LRRC53: variants seen among roughly 807,000 people sequenced by gnomAD.
LRRC53 encodes the protein leucine-rich repeat-containing protein 53.
Under a neutral mutation model 13.6 loss-of-function variants are expected in LRRC53, and 25 were observed. That is an observed-to-expected ratio of 1.83 (90% CI 1.34 to 2.56). The LOEUF is 2.56. Ranked by LOEUF, LRRC53 falls within the 30% of genes most tolerant of loss-of-function variation. The pLI, the probability that LRRC53 is intolerant of heterozygous loss-of-function variation, is 0.00. For synonymous variants in LRRC53, 204 were observed against 109.8 expected (o/e 1.86, Z -5.37); for missense variants, 527 against 275.8 (o/e 1.91, Z -6.45).
upstream of LRRC53, among the ~76,000 whole-genome samples, chr1:74,516,029 G>A (rs79195448): frequency 2.7e-3 from 406 of 152,278 alleles, 3 homozygotes; most frequent in African/African-American, 9.5e-3. Flanking sequence ...CCTCACTAGA[G>A]GGGAAGGAAA....
At chr1:74,478,529 G>A (rs1668320106) in intron 3 of LRRC53, among the ~76,000 whole-genome samples, 2 of 152,074 alleles carry the variant, frequency 1.3e-5, no homozygotes, top group African/African-American at 4.8e-5. Context: ...CCAAAACGAT[G>A]TCCTCTAGAA....
rs76061180 is a variant in LRRC53, at chr1:74,477,621, G to A, written c.905-1811C>T. Reference sequence around the variant, plus strand: ...GAGAGTAAACATAATTTGATTATAGGATACAGTTTCTCCTCTAATTGTGTC... The same window carrying A: ...GAGAGTAAACATAATTTGATTATAGAATACAGTTTCTCCTCTAATTGTGTC... On this transcript the variant is annotated intron_variant, in intron 3 of 4. Transcript: ENST00000294635. 9.1e-3 allele frequency among the ~76,000 whole-genome samples: 1,383 copies of A among 152,258 alleles called. 23 individuals carry two copies. Among genetic ancestry groups the A allele is most frequent in the African/African-American group, 0.032 (1,339 of 41,558 alleles).
At chr1:74,489,195 C>T in intron 1 of LRRC53, 2 of 1,610,648 alleles carry the variant, frequency 1.2e-6, no homozygotes, top group Non-Finnish European at 1.7e-6. Context: ...ACAGGGAAGA[C>T]CCGAATTTTC....
upstream of LRRC53, among the ~76,000 whole-genome samples, chr1:74,516,505 A>G (rs1646350142): frequency 6.6e-6 from 1 of 152,190 alleles, no homozygotes; most frequent in African/African-American, 2.4e-5. Context: ...AAAAACTGTG[A>G]GAAAGAAGTT....
intron 1 of LRRC53, among the ~76,000 whole-genome samples, chr1:74,488,677 T>A (rs1668889168): frequency 6.6e-6 from 1 of 152,204 alleles, no homozygotes; most frequent in Admixed American, 6.5e-5. Context: ...TTAATGGCAC[T>A]GTCTGAAGGT....
intron 1 of LRRC53, among the ~76,000 whole-genome samples, chr1:74,505,539 A>T (rs1322459998): frequency 6.6e-6 from 1 of 151,998 alleles, no homozygotes; most frequent in African/African-American, 2.4e-5. Context: ...AACAGGTTTA[A>T]TTCCTCATGG....
chr1:74,519,775 T>C, the LRRC53 span, among the ~76,000 whole-genome samples: 1 of 152,156 alleles, frequency 6.6e-6, no homozygotes, highest in African/African-American at 2.4e-5. Context: ...TGAAGATATG[T>C]TATAGTCAAG....
At chr1:74,506,170 G>A (rs1020608058) in intron 1 of LRRC53, among the ~76,000 whole-genome samples, 27 of 152,092 alleles carry the variant, frequency 1.8e-4, no homozygotes, top group African/African-American at 6.0e-4. Context: ...GAGAAGACAC[G>A]TTACATGTTT....
chr1:74,505,469 A>C (rs1321563955), intron 1 of LRRC53, among the ~76,000 whole-genome samples: 1 of 152,210 alleles, frequency 6.6e-6, no homozygotes, highest in African/African-American at 2.4e-5. Flanking sequence ...ATTCAGATAC[A>C]AGAGCAATGA....
chr1:74,492,864 C>G (rs1037340054), intron 1 of LRRC53, among the ~76,000 whole-genome samples: 1 of 152,164 alleles, frequency 6.6e-6, no homozygotes, highest in Non-Finnish European at 1.5e-5. Flanking sequence ...TTTCCGCAGT[C>G]TGAAAGCTGG....
intron 1 of LRRC53, among the ~76,000 whole-genome samples, chr1:74,488,418 T>G (rs1668876889): frequency 6.6e-6 from 1 of 152,180 alleles, no homozygotes; most frequent in African/African-American, 2.4e-5. Context: ...ACCTGAATGT[T>G]AAATTGGGCT....
chr1:74,502,183 T>G (rs1669667668), intron 1 of LRRC53, among the ~76,000 whole-genome samples: 1 of 152,168 alleles, frequency 6.6e-6, no homozygotes, highest in African/African-American at 2.4e-5. Flanking sequence ...GAAAATCGTT[T>G]TCTTTTATAT....
the LRRC53 span, among the ~76,000 whole-genome samples, chr1:74,530,811 T>C: frequency 1.3e-5 from 2 of 151,934 alleles, no homozygotes; most frequent in South Asian, 4.1e-4. Flanking sequence ...GTTTTAGCAG[T>C]CAAGGCATGC....
At chr1:74,502,739 A>T (rs965320143) in intron 1 of LRRC53, among the ~76,000 whole-genome samples, 1 of 152,158 alleles carries the variant, frequency 6.6e-6, no homozygotes, top group Non-Finnish European at 1.5e-5. Context: ...ACTTTGCCTC[A>T]GCTTATGCCT....
In LRRC53 at chr1:74,470,518, G is replaced by A; in HGVS notation, c.3104C>T (p.Pro1035Leu). ...AACAGGAGAAGTACTGATATCCTTG[G>A]GAAGTTCTATTCTATTTTGGTATGG... ...SIPYQNRIEL[P>L]KDISTSPVSS... Residue 1035 changes from proline to leucine, a missense_variant, in exon 5 of 5, where the codon CCC becomes CTC. Coordinates refer to ENST00000294635, the MANE Select transcript of LRRC53 (RefSeq NM_001382280.1). 2.5e-6 allele frequency: 1 copy of A among 400,620 alleles called. No homozygotes were observed. The highest frequency in any genetic ancestry group is 4.4e-6 in the Non-Finnish European group (1 of 226,160). The allele number at this position is 400,620 out of a possible 1,614,324, so 24.8% of individuals were successfully genotyped here. A position where few individuals can be genotyped will look rare whatever the true frequency, so the allele number is the denominator to read the frequency against.
intron 1 of LRRC53, among the ~76,000 whole-genome samples, chr1:74,488,100 G>C (rs1349187772): frequency 6.6e-6 from 1 of 152,218 alleles, no homozygotes. Context: ...AGTAGTGTTA[G>C]AGAGTATGAA....
rs1670141650 is a variant in LRRC53, at chr1:74,510,674, T to A, written c.-27+1852A>T. Among the ~76,000 whole-genome samples, 3 of 152,344 alleles carry A rather than the reference T, an allele frequency of 2.0e-5. No individual in the cohort carries two copies. The South Asian group carries it at 6.2e-4, about 32-fold the overall frequency. On this transcript the variant is annotated intron_variant, in intron 1 of 4. Coordinates refer to ENST00000294635, the MANE Select transcript of LRRC53 (RefSeq NM_001382280.1). ...TTTGTTAAATAAACTTCCGTTTCTCTTTGGGAAAGACATATATAGGATCTT... is the reference window on the plus strand; with the variant it reads ...TTTGTTAAATAAACTTCCGTTTCTCATTGGGAAAGACATATATAGGATCTT...
rs893306915 is a variant in LRRC53 at position 74,470,328 on chromosome 1, A to T, written c.3294T>A (p.Thr1098=). The change falls in exon 5 of 5, where the codon ACT becomes ACA. Residue 1098 remains threonine, a synonymous_variant. Coordinates refer to ENST00000294635, the MANE Select transcript of LRRC53 (RefSeq NM_001382280.1). ...DESKTDSSML[T]QISQMTLKGI... is the part of the protein sequence containing the mutation. ...CTTTTAAGGTCATTTGTGAGATCTG[A>T]GTTAACATACTAGAATCTGTCTTGC... 1 of 400,558 alleles carries T rather than the reference A, an allele frequency of 2.5e-6. No individual in the cohort carries two copies. The highest frequency in any genetic ancestry group is 2.1e-5 in the African/African-American group (1 of 48,702). 24.8% of individuals were successfully genotyped at this position (400,558 alleles called of 1,614,324 possible). A position where few individuals can be genotyped will look rare whatever the true frequency, so the allele number is the denominator to read the frequency against.
At chr1:74,480,062 A>G in intron 3 of LRRC53, 91 bp downstream of exon 3, 1 of 623,024 alleles carries the variant, frequency 1.6e-6, no homozygotes, top group Non-Finnish European at 2.9e-6. Context: ...AGCCCTGGCA[A>G]CCAAGTGTCT....
Sources: gnomAD v4.1 joint callset for allele counts (sites outside exome capture counted in the v4.1 genomes callset) on GRCh38, gnomAD v4.1.1 for gene constraint, MANE v1.5 for transcripts, NCBI Gene and HGNC (gene_info 2026-07-23, HGNC 2026-07-21) for gene names.